ZNF423: variants seen among roughly 807,000 people sequenced by gnomAD.
The protein encoded by ZNF423 is zinc finger protein 423.
Under a neutral mutation model 95.8 loss-of-function variants are expected in ZNF423, and 12 were observed. The observed-to-expected ratio is 0.13, with a 90% CI of 0.08 to 0.20. The LOEUF (loss-of-function observed/expected upper bound fraction) is 0.20, where lower values mean the gene tolerates loss of function less well. Among genes scored for constraint, ZNF423 ranks in the 10% least tolerant of loss-of-function variants. The pLI is 1.00. For synonymous variants in ZNF423, 749 were observed against 711.9 expected (o/e 1.05, Z -0.83); for missense variants, 1,316 against 1,737.1 (o/e 0.76, Z 4.31).
At chr16:49,856,311 T>C (rs764423999), upstream of ZNF423, among the ~76,000 whole-genome samples, 237 of 144,500 alleles carry the variant, frequency 1.6e-3, 1 homozygote, top group Non-Finnish European at 2.5e-3. Flanking sequence ...CGCAGCCCGG[T>C]GCGGAGCTCA....
intron 6 of ZNF423, among the ~76,000 whole-genome samples, chr16:49,524,331 C>T (rs1379639100): frequency 6.6e-6 from 1 of 152,198 alleles, no homozygotes; most frequent in Non-Finnish European, 1.5e-5. Flanking sequence ...AACACAAATT[C>T]CTATTTTTAT....
At chr16:49,575,160 C>T (rs570080030) in intron 5 of ZNF423, among the ~76,000 whole-genome samples, 1 of 152,144 alleles carries the variant, frequency 6.6e-6, no homozygotes, top group Non-Finnish European at 1.5e-5. Context: ...ACCCAGGCAT[C>T]ACTCAGGAAA....
intron 7 of ZNF423, among the ~76,000 whole-genome samples, chr16:49,510,984 G>A (rs936220283): frequency 6.6e-6 from 1 of 152,220 alleles, no homozygotes; most frequent in Non-Finnish European, 1.5e-5. Flanking sequence ...ATGGGCAGAC[G>A]GGCAGCCGGA....
intron 5 of ZNF423, among the ~76,000 whole-genome samples, chr16:49,527,791 A>G: frequency 6.6e-6 from 1 of 152,082 alleles, no homozygotes; most frequent in Non-Finnish European, 1.5e-5. Context: ...GAGGATACAA[A>G]ACCTTTCCTA....
intron 1 of ZNF423, chr16:49,854,363 C>A: frequency 1.0e-6 from 1 of 985,492 alleles, no homozygotes; most frequent in Non-Finnish European, 1.2e-6. Context: ...GAGGACAGAA[C>A]TGACGAGTGT....
chr16:49,571,672 A>G lies in ZNF423; in HGVS notation c.3602-46178T>C, dbSNP rs115569470. Among the ~76,000 whole-genome samples the G allele has an allele frequency of 3.4e-3, 521 of 152,280 alleles. 2 individuals carry two copies. Among genetic ancestry groups the G allele is most frequent in the African/African-American group, 0.012 (488 of 41,552 alleles). On this transcript the variant is annotated intron_variant, in intron 5 of 7. Transcript: ENST00000563137. ...TTCAGAAGGCCACTTCCAGTTCACC[A>G]TAGAGAACAGATGAGTGGTTGGGAG...
chr16:49,660,611 C>T (rs2030163888), intron 3 of ZNF423, among the ~76,000 whole-genome samples: 1 of 152,156 alleles, frequency 6.6e-6, no homozygotes, highest in Non-Finnish European at 1.5e-5. Context: ...GTCCCTCGGG[C>T]CCCCTCTCAT....
intron 5 of ZNF423, among the ~76,000 whole-genome samples, chr16:49,533,713 C>T (rs889741918): frequency 2.0e-5 from 3 of 152,188 alleles, no homozygotes; most frequent in African/African-American, 7.2e-5. Context: ...AACCAGGCTG[C>T]GCGGAGGAGA....
intron 3 of ZNF423, among the ~76,000 whole-genome samples, chr16:49,677,297 A>AGAAGAGAAGAGAAGGGAAGGGAAGG (rs2031127891): frequency 1.3e-5 from 1 of 78,272 alleles, no homozygotes; most frequent in Non-Finnish European, 2.6e-5. Flanking sequence ...AGAAGAGAAG[A>AGAAGAGAAGAGAAGGGAAGGGAAGG]GAAGAGAAGA....
At chr16:49,791,400 C>G (rs1472396880) in intron 1 of ZNF423, among the ~76,000 whole-genome samples, 5 of 152,204 alleles carry the variant, frequency 3.3e-5, no homozygotes, top group Non-Finnish European at 7.3e-5. Context: ...CAGAAGCGGG[C>G]CATGCACGGA....
At chr16:49,786,919 T>C (rs1009987549) in intron 2 of ZNF423, among the ~76,000 whole-genome samples, 2 of 152,202 alleles carry the variant, frequency 1.3e-5, no homozygotes, top group Admixed American at 1.3e-4. Flanking sequence ...ATGAAAAGTA[T>C]TAGACAAAAG....
intron 2 of ZNF423, among the ~76,000 whole-genome samples, chr16:49,746,484 TTC>T (rs1278449067): frequency 2.0e-5 from 3 of 152,060 alleles, no homozygotes; most frequent in African/African-American, 7.2e-5. Context: ...ACAGGGTACT[TTC>T]TCTTTTTTTG....
chr16:49,618,943 C>T (rs1234962055), intron 5 of ZNF423, among the ~76,000 whole-genome samples: 1 of 152,162 alleles, frequency 6.6e-6, no homozygotes, highest in East Asian at 1.9e-4. Flanking sequence ...CCTACTCTAC[C>T]TCATCCCCTT....
chr16:49,812,866 A>T (rs71382769), intron 1 of ZNF423, among the ~76,000 whole-genome samples: 1 of 152,154 alleles, frequency 6.6e-6, no homozygotes, highest in Non-Finnish European at 1.5e-5. Flanking sequence ...ATTGCCCTGG[A>T]ACCAGACACA....
intron 5 of ZNF423, among the ~76,000 whole-genome samples, chr16:49,601,183 C>T (rs1441550753): frequency 6.6e-6 from 1 of 152,076 alleles, no homozygotes; most frequent in Non-Finnish European, 1.5e-5. Context: ...GGTAGATGCT[C>T]CAAATTGGGG....
chr16:49,516,870 G>A (rs1968169337), intron 7 of ZNF423, among the ~76,000 whole-genome samples: 1 of 152,174 alleles, frequency 6.6e-6, no homozygotes, highest in African/African-American at 2.4e-5. Context: ...CTGAGGGCTG[G>A]CTGCCACCGC....
chr16:49,713,242 C>T (rs966261465), intron 3 of ZNF423, among the ~76,000 whole-genome samples: 1 of 152,226 alleles, frequency 6.6e-6, no homozygotes, highest in Non-Finnish European at 1.5e-5. Context: ...CTCCCCCACA[C>T]AAATCACACA....
At chr16:49,545,346 C>G (rs1969400920) in intron 5 of ZNF423, among the ~76,000 whole-genome samples, 1 of 152,184 alleles carries the variant, frequency 6.6e-6, no homozygotes, top group Non-Finnish European at 1.5e-5. Flanking sequence ...TGCTGTTGGA[C>G]AGGATAATGG....
chr16:49,524,160 C>T (rs1328714257), intron 6 of ZNF423, among the ~76,000 whole-genome samples: 2 of 152,164 alleles, frequency 1.3e-5, no homozygotes, highest in Non-Finnish European at 2.9e-5. Context: ...CCCTCCCAGG[C>T]CTGTAGGACA....
Sources: gnomAD v4.1 joint callset for allele counts (sites outside exome capture counted in the v4.1 genomes callset) on GRCh38, gnomAD v4.1.1 for gene constraint, MANE v1.5 for transcripts, NCBI Gene and HGNC (gene_info 2026-07-23, HGNC 2026-07-21) for gene names.